Variants in SHANK2 observed in about 807,000 individuals in gnomAD.
The protein encoded by SHANK2 is SH3 and multiple ankyrin repeat domains protein 2.
In SHANK2, 43 loss-of-function variants were observed where a neutral mutation model predicts 133.7. That is an observed-to-expected ratio of 0.32 (90% CI 0.25 to 0.41). The LOEUF is 0.41. Among genes scored for constraint, SHANK2 ranks in the 10% least tolerant of loss-of-function variants. SHANK2 has a pLI of 1.00. For missense variants in SHANK2, 1,994 were observed against 2,235.8 expected, an observed-to-expected ratio of 0.89 and a Z score of 2.18; for synonymous variants, 1,017 against 952.8, an observed-to-expected ratio of 1.07 and a Z score of -1.24.
intron 17 of SHANK2, among the ~76,000 whole-genome samples, chr11:70,606,300 C>G (rs2060575786): frequency 6.6e-6 from 1 of 152,010 alleles, no homozygotes; most frequent in Non-Finnish European, 1.5e-5. Context: ...GCCTTTGATC[C>G]CAATGCTATG....
At chr11:70,599,871 GAA>G (rs2060457819) in intron 17 of SHANK2, among the ~76,000 whole-genome samples, 1 of 94,232 alleles carries the variant, frequency 1.1e-5, no homozygotes, top group African/African-American at 3.8e-5. Context: ...TAAAAAGAAA[GAA>G]AGAAAGAAAG....
At chr11:71,112,050 T>C (rs1951898862) in intron 5 of SHANK2, among the ~76,000 whole-genome samples, 1 of 152,142 alleles carries the variant, frequency 6.6e-6, no homozygotes, top group Non-Finnish European at 1.5e-5. Flanking sequence ...TCTGGACAAC[T>C]TGAGCACAAA....
At chr11:71,076,654 G>A (rs1291031348) in intron 8 of SHANK2, among the ~76,000 whole-genome samples, 25 of 152,012 alleles carry the variant, frequency 1.6e-4, no homozygotes, top group Admixed American at 1.4e-3. Context: ...TCACCTGCCC[G>A]GCCCCCATGG....
At position 70,932,933 on chromosome 11, in the gene SHANK2, G is replaced by A. The variant is rs116629866; in HGVS notation, c.1108-36366C>T. Among the ~76,000 whole-genome samples, 746 of 152,300 alleles carry A rather than the reference G, an allele frequency of 4.9e-3. 7 individuals are homozygous for A. The highest frequency in any genetic ancestry group is 0.017 in the African/African-American group (702 of 41,540). ...GTGGCTGGGAATGTAAAATGATGCA[G>A]CTCCTATGGAAAACAGTACAGCCGT... On this transcript the variant is annotated intron_variant, in intron 10 of 25. Coordinates refer to ENST00000601538, the MANE Select transcript of SHANK2 (RefSeq NM_012309.5).
chr11:70,701,167 C>CGT (rs145169527), intron 14 of SHANK2, among the ~76,000 whole-genome samples: 2,031 of 149,774 alleles, frequency 0.014, 35 homozygotes, highest in African/African-American at 0.044. Flanking sequence ...TGTGTGTACG[C>CGT]GTGTGTGTGT....
In SHANK2 at chr11:71,083,282, CATG is replaced by C. The variant is rs1240169381; in HGVS notation, c.913-8010_913-8008del. 3.9e-5 allele frequency among the ~76,000 whole-genome samples: 6 copies of C among 152,156 alleles called. No homozygotes were observed. In the East Asian group the frequency reaches 9.6e-4, roughly 24 times the overall value. On this transcript the variant is annotated intron_variant, in intron 8 of 25. Coordinates refer to ENST00000601538, the MANE Select transcript of SHANK2 (RefSeq NM_012309.5). ...CTAATGATGACGTCAGACGTGGCCA[CATG>C]ATGATGACAATGATGACAATGAGGA...
intron 9 of SHANK2, among the ~76,000 whole-genome samples, chr11:71,067,779 C>T (rs1951085940): frequency 1.3e-5 from 2 of 152,178 alleles, no homozygotes; most frequent in Admixed American, 1.3e-4. Context: ...TCACTGCCAT[C>T]ATCACCACCA....
intron 3 of SHANK2, among the ~76,000 whole-genome samples, chr11:71,120,239 C>A (rs1420150187): frequency 6.6e-6 from 1 of 152,186 alleles, no homozygotes; most frequent in Non-Finnish European, 1.5e-5. Context: ...AAAGGCCAGG[C>A]AAATCCACTT....
At chr11:71,091,913 C>T (rs1209208319) in intron 8 of SHANK2, among the ~76,000 whole-genome samples, 2 of 152,214 alleles carry the variant, frequency 1.3e-5, no homozygotes, top group Admixed American at 1.3e-4. Flanking sequence ...TGGAGACAGC[C>T]GGTGAAATCT....
At chr11:71,205,179 G>C (rs763247818) in intron 2 of SHANK2, among the ~76,000 whole-genome samples, 2 of 152,318 alleles carry the variant, frequency 1.3e-5, no homozygotes, top group Admixed American at 6.5e-5. Flanking sequence ...CCAGAGGCCT[G>C]ACCACAGAAG....
rs569080001 is a variant in SHANK2, at chr11:70,688,385, G to A, written c.1853+10303C>T. 2.5e-4 allele frequency among the ~76,000 whole-genome samples: 38 copies of A among 152,294 alleles called. No individual in the cohort carries two copies. The South Asian group carries it at 2.7e-3, about 11-fold the overall frequency. On this transcript the variant is annotated intron_variant, in intron 15 of 25. Transcript: ENST00000601538. ...ATAAAACTGCAAGGGGAAGTTGGCC[G>A]TGGCCAGGTCGGAGCACACCTAATT... is the stretch of plus-strand genomic sequence containing the variant.
chr11:71,136,715 CAG>C (rs1555104826), intron 3 of SHANK2, among the ~76,000 whole-genome samples: 3 of 152,226 alleles, frequency 2.0e-5, no homozygotes, highest in Non-Finnish European at 4.4e-5. Flanking sequence ...CAAATCCACA[CAG>C]ACAGAAAGTG....
chr11:70,621,396 A>G (rs1276096709), intron 17 of SHANK2, among the ~76,000 whole-genome samples: 1 of 152,210 alleles, frequency 6.6e-6, no homozygotes, highest in Non-Finnish European at 1.5e-5. Flanking sequence ...CCAGCACTGC[A>G]TGGCTATTGC....
intron 1 of SHANK2, chr11:71,240,751 G>C (rs1954879153): frequency 6.6e-6 from 1 of 152,136 alleles, no homozygotes; most frequent in African/African-American, 2.4e-5. Flanking sequence ...GCAACACAGG[G>C]AGACCCCTCT....
chr11:70,716,259 G>A (rs1040904375), intron 14 of SHANK2, among the ~76,000 whole-genome samples: 5 of 152,124 alleles, frequency 3.3e-5, no homozygotes, highest in Non-Finnish European at 5.9e-5. Flanking sequence ...CACTGCTCCC[G>A]GCCAGGCTTT....
chr11:70,778,849 C>G (rs1176476176), intron 14 of SHANK2, among the ~76,000 whole-genome samples: 4 of 152,206 alleles, frequency 2.6e-5, no homozygotes, highest in African/African-American at 7.2e-5. Flanking sequence ...AAGAAGGTTT[C>G]TAACCCCGTG....
chr11:70,794,288 A>G (rs564722903), intron 14 of SHANK2, among the ~76,000 whole-genome samples: 67 of 151,826 alleles, frequency 4.4e-4, no homozygotes, highest in African/African-American at 1.5e-3. Flanking sequence ...GAAAAAAAAA[A>G]AAAAACAACA....
At chr11:70,630,824 T>G (rs2060974830) in intron 17 of SHANK2, among the ~76,000 whole-genome samples, 1 of 152,170 alleles carries the variant, frequency 6.6e-6, no homozygotes, top group South Asian at 2.1e-4. Flanking sequence ...ACACTTCTGT[T>G]GTTCAAGCCC....
intron 2 of SHANK2, among the ~76,000 whole-genome samples, chr11:71,198,705 G>A (rs561629077): frequency 2.2e-4 from 33 of 152,278 alleles, no homozygotes; most frequent in South Asian, 1.2e-3. Context: ...GTCCCCTCCC[G>A]TCCAGCAGAT....
Sources: gnomAD v4.1 joint callset for allele counts (sites outside exome capture counted in the v4.1 genomes callset) on GRCh38, gnomAD v4.1.1 for gene constraint, MANE v1.5 for transcripts, NCBI Gene and HGNC (gene_info 2026-07-23, HGNC 2026-07-21) for gene names.